Variants in TTN observed in about 807,000 individuals in gnomAD.
TTN encodes the protein titin.
In TTN, 1,525 loss-of-function variants were observed where a neutral mutation model predicts 3,223.0. The observed-to-expected ratio is 0.47, with a 90% CI of 0.45 to 0.49. TTN has a LOEUF of 0.49. TTN is among the 20% of genes least tolerant of loss of function. TTN has a pLI of 0.00. For synonymous variants in TTN, 14,094 were observed against 15,161.0 expected (o/e 0.93, Z 5.17); for missense variants, 40,786 against 43,424.0 (o/e 0.94, Z 5.40).
At chr2:178,583,280 T>A in intron 312 of TTN, 53 bp from the exon 313 acceptor site, 1 of 1,400,362 alleles carries the variant, frequency 7.1e-7, no homozygotes, top group East Asian at 2.4e-5. Context: ...TATTATGTAA[T>A]CCTTATTAAT....
chr2:178,733,515 G>A lies in TTN; in HGVS notation c.15778C>T (p.Pro5260Ser). 2.5e-6 allele frequency: 4 copies of A among 1,608,842 alleles called. No homozygotes were observed. Among genetic ancestry groups the A allele is most frequent in the Non-Finnish European group, 3.4e-6 (4 of 1,176,580 alleles). ...TCTGCTCGCTCAATGATTTTGGCAG[G>A]TTCTACAATGGTATGAAATAGTTAG... is the stretch of plus-strand genomic sequence containing the variant. Reference protein sequence around the residue: ...TSVGELIVKEPAKIIERAELI... With the variant: ...TSVGELIVKESAKIIERAELI... The change falls in exon 54 of 363, where the codon CCT becomes TCT. Residue 5260 changes from proline to serine, a missense_variant and splice_region_variant. Transcript: ENST00000589042.
In TTN at chr2:178,535,153, A is replaced by G; in HGVS notation, c.101462T>C (p.Ile33821Thr). 6.2e-7 allele frequency: 1 copy of G among 1,613,874 alleles called. No homozygotes were observed. The highest frequency in any genetic ancestry group is 8.5e-7 in the Non-Finnish European group (1 of 1,179,846). The change falls in exon 358 of 363, where the codon ATT (isoleucine) becomes ACT (threonine). Residue 33821 changes from isoleucine (I) to threonine (T), a missense_variant. Coordinates refer to ENST00000589042, the MANE Select transcript of TTN (RefSeq NM_001267550.2). ...STKELYEKYM[I>T]AEDLGRGEFG... Reference sequence around the variant, plus strand: ...CTCACCACGCCCAAGATCTTCAGCAATCATATATTTCTCATAGAGTTCCTT... The same window carrying G: ...CTCACCACGCCCAAGATCTTCAGCAGTCATATATTTCTCATAGAGTTCCTT...
At position 178,778,990 on chromosome 2, in the gene TTN, T is replaced by C; in HGVS notation, c.4092A>G (p.Ala1364=). 6.2e-7 allele frequency: 1 copy of C among 1,614,046 alleles called. No homozygotes were observed. Among genetic ancestry groups the C allele is most frequent in the Non-Finnish European group, 8.5e-7 (1 of 1,179,944 alleles). ...CATTTCCTTTAATATTGCTGGCAAA[T>C]GCAGTGTAGATTCCTTCATCTTCTG... ...VLPEDEGIYT[A]FASNIKGNAI... Residue 1364 remains alanine (A), a synonymous_variant, in exon 24 of 363, where the codon GCA becomes GCG. Transcript: ENST00000589042.
rs778561939 is a variant in TTN, at chr2:178,608,925, GAACAGTAATCAAAA to G, written c.52103-31_52103-18del. On this transcript the variant is annotated intron_variant, in intron 273 of 362. Transcript: ENST00000589042. ...CCGGTGTATCTAATATTTCAGAAGA[GAACAGTAATCAAAA>G]ATTTGTGTGGGAAGGGTTGCTATGG... 1.8e-5 allele frequency: 28 copies of G among 1,594,204 alleles called. No individual in the cohort carries two copies. Among genetic ancestry groups the G allele is most frequent in the Non-Finnish European group, 2.4e-5 (28 of 1,175,518 alleles).
Position 178,799,569 on chromosome 2 carries a change from C to G in TTN, c.832G>C (p.Ala278Pro). Residue 278 changes from alanine to proline, a missense_variant, in exon 6 of 363, where the codon GCT becomes CCT. Transcript: ENST00000589042. ...ATGGGCGATGGGGACTGCTGCCGAGCCAGCTGTGCTTTGGCAGCAATAGAC... is the reference window on the plus strand; with the variant it reads ...ATGGGCGATGGGGACTGCTGCCGAGGCAGCTGTGCTTTGGCAGCAATAGAC... ...PPSIAAKAQL[A>P]RQQSPSPIRH... 6.2e-7 allele frequency: 1 copy of G among 1,614,158 alleles called. No homozygotes were observed. The highest frequency in any genetic ancestry group is 8.5e-7 in the Non-Finnish European group (1 of 1,180,016).
At chr2:178,745,423 A>T in intron 47 of TTN, 1 of 1,447,012 alleles carries the variant, frequency 6.9e-7, no homozygotes, top group South Asian at 1.4e-5. Flanking sequence ...TGTATTACAA[A>T]GATGAGATTT....
At position 178,592,091 on chromosome 2, in the gene TTN, G is replaced by A. The variant is rs1187337182; in HGVS notation, c.59813C>T (p.Ala19938Val). Residue 19938 changes from alanine (A) to valine (V), a missense_variant, in exon 302 of 363, where the codon GCT becomes GTT. Coordinates refer to ENST00000589042, the MANE Select transcript of TTN (RefSeq NM_001267550.2). ...CTGGTTGCCTTCATTCAGATGCTTA[G>A]CGAAGTGACTCTTTTTCTTTGATGT... The part of the protein sequence containing the change: ...SATSKKKSHF[A>V]KHLNEGNQYL... The A allele has an allele frequency of 7.3e-5, 117 of 1,612,868 alleles. No homozygotes were observed. The highest frequency in any genetic ancestry group is 9.6e-5 in the Non-Finnish European group (113 of 1,179,510).
Position 178,674,332 on chromosome 2 carries a change from C to T in TTN, c.34690G>A (p.Glu11564Lys), listed in dbSNP as rs1428355779. 1 of 1,593,484 alleles carries T rather than the reference C, an allele frequency of 6.3e-7. No individual in the cohort carries two copies. The change falls in exon 151 of 363, where the codon GAG becomes AAG. Residue 11564 changes from glutamate (E) to lysine (K), a missense_variant. Coordinates refer to ENST00000589042, the MANE Select transcript of TTN (RefSeq NM_001267550.2). The stretch of plus-strand genomic sequence containing the variant: ...GTTATACCTCTAGGTGGTGCCACCT[C>T]TTCAACTTCCTCTATGCTAGGTGGT... ...EEPPSIEEVE[E>K]VAPPRVPEVI...
chr2:178,730,707 C>T lies in TTN; in HGVS notation c.17826G>A (p.Val5942=). Residue 5942 remains valine, a synonymous_variant, in exon 61 of 363, where the codon GTG becomes GTA. Coordinates refer to ENST00000589042, the MANE Select transcript of TTN (RefSeq NM_001267550.2). ...GGATGCTTATGGGATGTGACCCAGC[C>T]ACTATACATTCTAAATCAATGAAAG... ...KGSFIDLECI[V]AGSHPISIQW... is the part of the protein sequence containing the mutation. 7 of 1,613,590 alleles carry T rather than the reference C, an allele frequency of 4.3e-6. No homozygotes were observed. Among genetic ancestry groups the T allele is most frequent in the Non-Finnish European group, 5.1e-6 (6 of 1,179,658 alleles).
chr2:178,591,942 C>G, intron 302 of TTN, 36 bp downstream of exon 302: 1 of 1,606,666 alleles, frequency 6.2e-7, no homozygotes, highest in Non-Finnish European at 8.5e-7. Flanking sequence ...TAAAGACAGT[C>G]AAACAATAGT....
At chr2:178,758,714 A>G (rs2088074711) in intron 44 of TTN, 1 of 485,534 alleles carries the variant, frequency 2.1e-6, no homozygotes, top group Non-Finnish European at 3.8e-6. Flanking sequence ...CATGCTGATT[A>G]GGAAGCATGA....
chr2:178,675,224 C>T (rs1468114524), intron 149 of TTN, 111 bp from the exon 150 acceptor site: 1 of 603,354 alleles, frequency 1.7e-6, no homozygotes, highest in Non-Finnish European at 2.8e-6. Context: ...GGCACATACA[C>T]AAGATGAAAC....
In TTN at chr2:178,533,684, A is replaced by G. The variant is rs566139261; in HGVS notation, c.102931T>C (p.Ser34311Pro). 1 of 1,613,806 alleles carries G rather than the reference A, an allele frequency of 6.2e-7. No homozygotes were observed. Among genetic ancestry groups the G allele is most frequent in the East Asian group, 2.2e-5 (1 of 44,868 alleles). The change falls in exon 358 of 363, where the codon TCA becomes CCA. Residue 34311 changes from serine (S) to proline (P), a missense_variant. Coordinates refer to ENST00000589042, the MANE Select transcript of TTN (RefSeq NM_001267550.2). ...GTTAATTGGTAAAGACCCTTGTCTG[A>G]CTCAAATGTGTACTTCTTGTCATTG... is the stretch of plus-strand genomic sequence containing the variant. Reference protein sequence around the residue: ...GDNDKKYTFESDKGLYQLTIN... With the variant: ...GDNDKKYTFEPDKGLYQLTIN...
At position 178,773,156 on chromosome 2, in the gene TTN, G is replaced by A; in HGVS notation, c.7808C>T (p.Thr2603Ile). 1 of 1,613,850 alleles carries A rather than the reference G, an allele frequency of 6.2e-7. No homozygotes were observed. The highest frequency in any genetic ancestry group is 1.1e-5 in the South Asian group (1 of 91,056). ...TGTCATATTTTCTCCCGCGTAAAAT[G>A]TGTATTTTCCTTCATCATCTTTCAT... is the stretch of plus-strand genomic sequence containing the variant. ...NMMKDDEGKY[T>I]FYAGENMTSG... Residue 2603 changes from threonine (T) to isoleucine (I), a missense_variant, in exon 33 of 363, where the codon ACA becomes ATA. By Grantham distance (89) the Thr-to-Ile change is moderately conservative. Coordinates refer to ENST00000589042, the MANE Select transcript of TTN (RefSeq NM_001267550.2).
At chr2:178,794,870 T>C (rs1203213493) in intron 7 of TTN, 52 bp downstream of exon 7, 3 of 1,589,288 alleles carry the variant, frequency 1.9e-6, no homozygotes, top group Admixed American at 1.7e-5. Context: ...AGAAATCCAG[T>C]TGGAGAAACT....
chr2:178,630,338 T>C lies in TTN; in HGVS notation c.44184A>G (p.Ile14728Met), dbSNP rs572315033. Reference sequence around the variant, plus strand: ...GACAGTTGTGCAAAACAAGGGAGTGTATTTTGCCTTCTTCCTTAATTTCAC... The same window carrying C: ...GACAGTTGTGCAAAACAAGGGAGTGCATTTTGCCTTCTTCCTTAATTTCAC... Reference protein sequence around the residue: ...PDCEIKEEGKIHSLVLHNCRL... With the variant: ...PDCEIKEEGKMHSLVLHNCRL... The change falls in exon 239 of 363, where the codon ATA (isoleucine) becomes ATG (methionine). Residue 14728 changes from isoleucine to methionine, a missense_variant. Ile to Met is a conservative substitution (Grantham distance 10, BLOSUM62 1). Coordinates refer to ENST00000589042, the MANE Select transcript of TTN (RefSeq NM_001267550.2). 1.9e-5 allele frequency: 30 copies of C among 1,610,684 alleles called. No individual in the cohort carries two copies. Among genetic ancestry groups the C allele is most frequent in the African/African-American group, 2.7e-5 (2 of 74,878 alleles).
At position 178,741,895 on chromosome 2, in the gene TTN, C is replaced by T. The variant is rs727504586; in HGVS notation, c.11338G>A (p.Glu3780Lys). 1.5e-4 allele frequency: 232 copies of T among 1,555,952 alleles called. No homozygotes were observed. In the East Asian group the frequency reaches 1.9e-3, roughly 13 times the overall value. ...KEFSSSFLSAEEEGLHSAELQ... is the reference protein window; with the variant it reads ...KEFSSSFLSAKEEGLHSAELQ... ...TCGGCGCTATGAAGTCCTTCTTCCTCGGCAGACAGAAAAGAACTAGAAAAC... is the reference window on the plus strand; with the variant it reads ...TCGGCGCTATGAAGTCCTTCTTCCTTGGCAGACAGAAAAGAACTAGAAAAC... Residue 3780 changes from glutamate (E) to lysine (K), a missense_variant, in exon 48 of 363, where the codon GAG (glutamate) becomes AAG (lysine). Glu to Lys is a moderately conservative substitution (Grantham distance 56). Transcript: ENST00000589042.
chr2:178,541,360 G>T lies in TTN; in HGVS notation c.97717C>A (p.Arg32573Ser). 1 of 1,598,342 alleles carries T rather than the reference G, an allele frequency of 6.3e-7. No individual in the cohort carries two copies. Among genetic ancestry groups the T allele is most frequent in the Non-Finnish European group, 8.5e-7 (1 of 1,171,382 alleles). Residue 32573 changes from arginine (R) to serine (S), a missense_variant, in exon 350 of 363, where the codon CGT becomes AGT. Physicochemically the swap from Arg to Ser is moderately radical, Grantham distance 110. Transcript: ENST00000589042. Reference protein sequence around the residue: ...GLTEGLEYEHRVTAINARGSG... With the variant: ...GLTEGLEYEHSVTAINARGSG... Reference sequence around the variant, plus strand: ...CCTCTTGCATTAATGGCTGTGACACGGTGTTCATATTCTAAGCCTTCAGTA... The same window carrying T: ...CCTCTTGCATTAATGGCTGTGACACTGTGTTCATATTCTAAGCCTTCAGTA...
At position 178,693,590 on chromosome 2, in the gene TTN, TAGAA is replaced by T. The variant is rs1432310496; in HGVS notation, c.31594+15_31594+18del. 2.0e-6 allele frequency: 3 copies of T among 1,517,522 alleles called. No homozygotes were observed. Among genetic ancestry groups the T allele is most frequent in the Admixed American group, 2.0e-5 (1 of 49,526 alleles). The allele number at this position is 1,517,522 out of a possible 1,614,324, so 94.0% of individuals were successfully genotyped here. Reference sequence around the variant, plus strand: ...AATTTTTATTAAAAGAGTTTAAACTTAGAATGAATTACTAATACCTTTAGGTGGT... The same window carrying T: ...AATTTTTATTAAAAGAGTTTAAACTTTGAATTACTAATACCTTTAGGTGGT... On this transcript the variant is annotated intron_variant, in intron 119 of 362. Transcript: ENST00000589042.
Sources: gnomAD v4.1 joint callset for allele counts on GRCh38, gnomAD v4.1.1 for gene constraint, MANE v1.5 for transcripts, NCBI Gene and HGNC (gene_info 2026-07-23, HGNC 2026-07-21) for gene names.